Variants in NR5A2 observed in about 807,000 individuals in gnomAD.
NR5A2 encodes the protein nuclear receptor subfamily 5 group A member 2.
In NR5A2, 26 loss-of-function variants were observed where a neutral mutation model predicts 62.7. The ratio of observed to expected loss-of-function variants is 0.41; its 90% CI spans 0.30 to 0.58. The LOEUF (loss-of-function observed/expected upper bound fraction) is 0.58, where lower values mean the gene tolerates loss of function less well. Ranked by LOEUF, NR5A2 falls within the 20% of genes least tolerant of loss-of-function variation. The pLI is 0.22. For missense variants in NR5A2, 541 were observed against 669.1 expected, an observed-to-expected ratio of 0.81 and a Z score of 2.11; for synonymous variants, 246 against 241.7, an observed-to-expected ratio of 1.02 and a Z score of -0.16.
At chr1:200,090,529 G>C (rs1285349048) in intron 5 of NR5A2, among the ~76,000 whole-genome samples, 1 of 152,166 alleles carries the variant, frequency 6.6e-6, no homozygotes, top group Non-Finnish European at 1.5e-5. Flanking sequence ...GTAACCTCTT[G>C]ACTCCCTGGA....
chr1:200,121,061 C>A, intron 7 of NR5A2, 106 bp downstream of exon 7: 3 of 1,132,010 alleles, frequency 2.7e-6, no homozygotes, highest in Non-Finnish European at 3.9e-6. Flanking sequence ...CAATATAATG[C>A]CCTTCCTGTC....
Position 200,111,253 on chromosome 1 carries a change from C to T in NR5A2, c.1162C>T (p.Leu388Phe), listed in dbSNP as rs752064904. ...GAACTGCTGGAGTGAGCTCTTAATC[C>T]TCGACCACATTTACCGACAAGTGGT... ...LQNCWSELLILDHIYRQVVHG... is the reference protein window; with the variant it reads ...LQNCWSELLIFDHIYRQVVHG... Residue 388 changes from leucine to phenylalanine, a missense_variant, in exon 6 of 8, where the codon CTC becomes TTC. Physicochemically the swap from Leu to Phe is conservative, Grantham distance 22. Coordinates refer to ENST00000367362, the MANE Select transcript of NR5A2 (RefSeq NM_205860.3). The T allele has an allele frequency of 1.2e-6, 2 of 1,612,974 alleles. No homozygotes were observed. Among genetic ancestry groups the T allele is most frequent in the East Asian group, 2.2e-5 (1 of 44,840 alleles).
Position 200,146,789 on chromosome 1 carries a change from C to T in NR5A2, c.1378+25834C>T, listed in dbSNP as rs77483200. On this transcript the variant is annotated intron_variant, in intron 7 of 7. Coordinates refer to ENST00000367362, the MANE Select transcript of NR5A2 (RefSeq NM_205860.3). The stretch of plus-strand genomic sequence containing the variant: ...TTCAAAAATTTATTTGGAAATTACA[C>T]ATTTGTCTGCTATAAAGTTGCAAAG... 8.1e-3 allele frequency among the ~76,000 whole-genome samples: 1,240 copies of T among 152,210 alleles called. 17 individuals carry two copies. The highest frequency in any genetic ancestry group is 0.029 in the African/African-American group (1,188 of 41,526).
intron 7 of NR5A2, among the ~76,000 whole-genome samples, chr1:200,169,123 C>A (rs187804272): frequency 2.6e-5 from 4 of 152,034 alleles, no homozygotes; most frequent in Non-Finnish European, 4.4e-5. Context: ...GCCAGAGGAT[C>A]GCTCAAGCCC....
rs116824276 is a variant in NR5A2 at position 200,131,690 on chromosome 1, C to T, written c.1378+10735C>T. ...GAGCGTAGTTGGTTAACGTGGTTAG[C>T]CCAGATGCTGCACTCTAGTGGACTC... On this transcript the variant is annotated intron_variant, in intron 7 of 7. Coordinates refer to ENST00000367362, the MANE Select transcript of NR5A2 (RefSeq NM_205860.3). 5.8e-3 allele frequency among the ~76,000 whole-genome samples: 890 copies of T among 152,224 alleles called. 5 individuals carry two copies. The highest frequency in any genetic ancestry group is 9.6e-3 in the Non-Finnish European group (656 of 68,022).
Position 200,052,937 on chromosome 1 carries a change from G to A in NR5A2, c.1110+4119G>A, listed in dbSNP as rs917630047. Among the ~76,000 whole-genome samples, 31 of 152,152 alleles carry A rather than the reference G, an allele frequency of 2.0e-4. 1 individual carries two copies. The highest frequency in any genetic ancestry group is 6.6e-5 in the Admixed American group (1 of 15,262). On this transcript the variant is annotated intron_variant, in intron 5 of 7. Transcript: ENST00000367362. ...TTATAGGCATGAGCCACCGCACCCG[G>A]CCTACCTCTTGCTCACTCTCTCAGG... is the stretch of plus-strand genomic sequence containing the variant.
At chr1:200,106,533 A>G (rs1330485997) in intron 5 of NR5A2, among the ~76,000 whole-genome samples, 1 of 152,128 alleles carries the variant, frequency 6.6e-6, no homozygotes, top group African/African-American at 2.4e-5. Context: ...CCTTCCTTTT[A>G]TTGTAGCTGA....
chr1:200,110,294 G>A (rs1024624841), intron 5 of NR5A2, among the ~76,000 whole-genome samples: 5 of 151,948 alleles, frequency 3.3e-5, no homozygotes, highest in South Asian at 2.1e-4. Flanking sequence ...GTTTTTGTCC[G>A]GTAAACATCA....
intron 5 of NR5A2, among the ~76,000 whole-genome samples, chr1:200,079,905 A>C (rs1664215812): frequency 6.6e-6 from 1 of 152,220 alleles, no homozygotes; most frequent in Admixed American, 6.5e-5. Context: ...TTAGGAATCA[A>C]ACATATGTGT....
intron 5 of NR5A2, among the ~76,000 whole-genome samples, chr1:200,079,177 A>G (rs1258177308): frequency 1.3e-5 from 2 of 152,210 alleles, no homozygotes; most frequent in Non-Finnish European, 2.9e-5. Context: ...ATCCTTGGAT[A>G]CCATATAACC....
rs922807874 is a variant in NR5A2 at position 200,092,922 on chromosome 1, C to T, written c.1111-18280C>T. Among the ~76,000 whole-genome samples, 11 of 133,420 alleles carry T rather than the reference C, an allele frequency of 8.2e-5. No individual in the cohort carries two copies. In the East Asian group the frequency reaches 1.3e-3, roughly 16 times the overall value. The allele number at this position is 133,420 out of a possible 152,430, so 87.5% of individuals were successfully genotyped here. A position where few individuals can be genotyped will look rare whatever the true frequency, so the allele number is the denominator to read the frequency against. The stretch of plus-strand genomic sequence containing the variant: ...TTTTTGAGATGGAGTCTCACTCTCT[C>T]GCCCAGGCTGGAGTGCAGTGGCACA... On this transcript the variant is annotated intron_variant, in intron 5 of 7. Transcript: ENST00000367362.
intron 5 of NR5A2, among the ~76,000 whole-genome samples, chr1:200,088,613 T>A (rs1664670039): frequency 6.6e-6 from 1 of 152,162 alleles, no homozygotes; most frequent in African/African-American, 2.4e-5. Flanking sequence ...TCAGTCCACA[T>A]GAATGTGCAA....
At chr1:200,141,757 T>C (rs1667450289) in intron 7 of NR5A2, among the ~76,000 whole-genome samples, 1 of 152,230 alleles carries the variant, frequency 6.6e-6, no homozygotes, top group African/African-American at 2.4e-5. Flanking sequence ...TTTGGCCACT[T>C]CTTGGAAGAT....
At chr1:200,036,009 G>A (rs750929685) in intron 1 of NR5A2, among the ~76,000 whole-genome samples, 1 of 152,136 alleles carries the variant, frequency 6.6e-6, no homozygotes, top group African/African-American at 2.4e-5. Flanking sequence ...TACGGGGTGG[G>A]TTCCTAAGTG....
At chr1:200,074,756 A>AAAAAAAAC (rs1304164782) in intron 5 of NR5A2, among the ~76,000 whole-genome samples, 22 of 137,672 alleles carry the variant, frequency 1.6e-4, no homozygotes, top group African/African-American at 5.6e-4. Context: ...AAAAAAAAAA[A>AAAAAAAAC]CACGAGAGAA....
At chr1:200,149,916 C>T (rs1571560563) in intron 7 of NR5A2, among the ~76,000 whole-genome samples, 1 of 152,172 alleles carries the variant, frequency 6.6e-6, no homozygotes, top group Non-Finnish European at 1.5e-5. Context: ...CTTGAATCCC[C>T]TATGGCATTT....
intron 5 of NR5A2, among the ~76,000 whole-genome samples, chr1:200,049,361 G>A (rs929189654): frequency 1.3e-5 from 2 of 152,096 alleles, no homozygotes; most frequent in East Asian, 1.9e-4. Context: ...CTTTGTTTTC[G>A]TAGCAGATTC....
chr1:200,108,033 T>C (rs1002140719), intron 5 of NR5A2, among the ~76,000 whole-genome samples: 1 of 151,632 alleles, frequency 6.6e-6, no homozygotes, highest in Non-Finnish European at 1.5e-5. Context: ...AACCATCAAA[T>C]GCAAATGAAG....
intron 5 of NR5A2, among the ~76,000 whole-genome samples, chr1:200,101,995 CATACA>C (rs759303107): frequency 6.6e-5 from 10 of 152,210 alleles, no homozygotes; most frequent in Admixed American, 1.3e-4. Flanking sequence ...TTAACATTTA[CATACA>C]ATACTGTAAA....
Sources: gnomAD v4.1 joint callset for allele counts (sites outside exome capture counted in the v4.1 genomes callset) on GRCh38, gnomAD v4.1.1 for gene constraint, MANE v1.5 for transcripts, NCBI Gene and HGNC (gene_info 2026-07-23, HGNC 2026-07-21) for gene names.